SLC1A1: variants seen among roughly 807,000 people sequenced by gnomAD.
SLC1A1 encodes the protein excitatory amino acid transporter 3.
Under a neutral mutation model 53.3 loss-of-function variants are expected in SLC1A1, and 43 were observed. The observed-to-expected ratio is 0.81, with a 90% CI of 0.63 to 1.04. The LOEUF (loss-of-function observed/expected upper bound fraction) is 1.04. Among genes scored for constraint, SLC1A1 ranks in the 50% least tolerant of loss-of-function variants. SLC1A1 has a pLI of 0.00. For synonymous variants in SLC1A1, 307 were observed against 243.2 expected (o/e 1.26, Z -2.44); for missense variants, 748 against 664.9 (o/e 1.12, Z -1.37).
At chr9:4,576,799 T>C (rs770847366) in intron 10 of SLC1A1, 36 bp downstream of exon 10, 1 of 1,556,026 alleles carries the variant, frequency 6.4e-7, no homozygotes, top group South Asian at 1.1e-5. Context: ...TCATCACTGA[T>C]ACAGGGATTA....
intron 2 of SLC1A1, among the ~76,000 whole-genome samples, chr9:4,547,066 T>C (rs1205377956): frequency 6.6e-6 from 1 of 152,254 alleles, no homozygotes; most frequent in Non-Finnish European, 1.5e-5. Flanking sequence ...GAATGTCTAA[T>C]TCTGTAATAT....
chr9:4,520,717 T>G (rs1485227066), intron 1 of SLC1A1, among the ~76,000 whole-genome samples: 1 of 152,278 alleles, frequency 6.6e-6, no homozygotes, highest in Non-Finnish European at 1.5e-5. Context: ...ATAATGTTGT[T>G]GTGAACATTT....
intron 1 of SLC1A1, among the ~76,000 whole-genome samples, chr9:4,525,560 C>G (rs1332416511): frequency 6.6e-6 from 1 of 151,896 alleles, no homozygotes; most frequent in Non-Finnish European, 1.5e-5. Flanking sequence ...GATGATAGAA[C>G]AGTCTGAAAT....
At chr9:4,496,424 T>A (rs1378796338) in intron 1 of SLC1A1, among the ~76,000 whole-genome samples, 1 of 152,068 alleles carries the variant, frequency 6.6e-6, no homozygotes, top group Admixed American at 6.5e-5. Flanking sequence ...CTCGTTTTGT[T>A]GCCCAGGCTG....
intron 1 of SLC1A1, among the ~76,000 whole-genome samples, chr9:4,511,598 CACT>C (rs146709928): frequency 6.7e-6 from 1 of 149,026 alleles, no homozygotes; most frequent in Admixed American, 6.7e-5. Flanking sequence ...CACACACACA[CACT>C]ACACTACACT....
intron 2 of SLC1A1, among the ~76,000 whole-genome samples, chr9:4,557,175 T>C (rs1265549339): frequency 6.6e-6 from 1 of 152,182 alleles, no homozygotes; most frequent in Non-Finnish European, 1.5e-5. Context: ...TGTGGAAAGC[T>C]TCAAGTACAA....
chr9:4,572,694 T>C (rs1256620097), intron 7 of SLC1A1, among the ~76,000 whole-genome samples: 1 of 152,178 alleles, frequency 6.6e-6, no homozygotes, highest in African/African-American at 2.4e-5. Flanking sequence ...ACTATAGGCA[T>C]GTACCACCAT....
At chr9:4,559,996 C>T (rs977954675) in intron 2 of SLC1A1, 6 of 152,204 alleles carry the variant, frequency 3.9e-5, no homozygotes, top group Non-Finnish European at 5.9e-5. Context: ...CTTGACACTC[C>T]AGACAGCCCT....
intron 1 of SLC1A1, among the ~76,000 whole-genome samples, chr9:4,506,663 G>T (rs1042061745): frequency 1.3e-5 from 2 of 152,156 alleles, no homozygotes; most frequent in African/African-American, 4.8e-5. Flanking sequence ...CAGTAACTGT[G>T]AAAGACTGGA....
chr9:4,512,385 G>A (rs1821027857), intron 1 of SLC1A1, among the ~76,000 whole-genome samples: 1 of 152,112 alleles, frequency 6.6e-6, no homozygotes, highest in Admixed American at 6.5e-5. Flanking sequence ...GCATGCGCCT[G>A]TAGTCCCAGC....
chr9:4,573,515 A>G (rs1258548941), intron 7 of SLC1A1, among the ~76,000 whole-genome samples: 2 of 152,162 alleles, frequency 1.3e-5, no homozygotes, highest in African/African-American at 4.8e-5. Context: ...GATACCTGGG[A>G]AACAGATGAC....
intron 1 of SLC1A1, among the ~76,000 whole-genome samples, chr9:4,491,334 G>T (rs900732636): frequency 6.6e-5 from 10 of 152,198 alleles, no homozygotes; most frequent in African/African-American, 2.4e-4. Flanking sequence ...GGCGAGCGCC[G>T]ACTGCCTGCA....
chr9:4,490,706 C>A lies in SLC1A1; in HGVS notation c.27C>A (p.Cys9Ter), dbSNP rs1352470901. MGKPARKG[C>*]EWKRFLKNNW... ...TGGGGAAACCGGCGAGGAAAGGATG[C>A]GAGTGGAAGCGCTTCCTGAAGAATA... Residue 9 changes from cysteine to a stop codon, truncating the protein, a stop_gained, in exon 1 of 12, where the codon TGC (cysteine) becomes TGA (stop). Transcript: ENST00000262352. LOFTEE classifies it high-confidence loss of function. The A allele has an allele frequency of 6.2e-7, 1 of 1,612,750 alleles. No homozygotes were observed. The highest frequency in any genetic ancestry group is 8.5e-7 in the Non-Finnish European group (1 of 1,179,040).
rs1820648290 is a variant in SLC1A1 at position 4,502,019 on chromosome 9, T to C, written c.91+11249T>C. On this transcript the variant is annotated intron_variant, in intron 1 of 11. Coordinates refer to ENST00000262352, the MANE Select transcript of SLC1A1 (RefSeq NM_004170.6). ...CTCTCCCCATTACTGGAAAATAAAC[T>C]GATACTGTTCAACTTCTGTGGGTAT... 5.9e-5 allele frequency among the ~76,000 whole-genome samples: 9 copies of C among 151,812 alleles called. No homozygotes were observed. The South Asian group carries it at 1.9e-3, about 31-fold the overall frequency.
intron 2 of SLC1A1, among the ~76,000 whole-genome samples, chr9:4,555,515 G>A (rs1818290920): frequency 6.6e-6 from 1 of 152,132 alleles, no homozygotes. Context: ...CTTTGGCTGG[G>A]AGCCAACACC....
intron 10 of SLC1A1, 62 bp downstream of exon 10, chr9:4,576,825 G>A: frequency 2.1e-6 from 3 of 1,436,432 alleles, no homozygotes; most frequent in South Asian, 1.1e-5. Flanking sequence ...AGTAAAAATT[G>A]TCCATGAAGG....
chr9:4,507,055 C>G (rs894930851), intron 1 of SLC1A1, among the ~76,000 whole-genome samples: 3 of 152,044 alleles, frequency 2.0e-5, no homozygotes, highest in African/African-American at 7.2e-5. Flanking sequence ...CATGGTGAAA[C>G]CCCCTCTCTA....
intron 1 of SLC1A1, among the ~76,000 whole-genome samples, chr9:4,533,482 G>A (rs1336610163): frequency 6.6e-6 from 1 of 152,084 alleles, no homozygotes; most frequent in African/African-American, 2.4e-5. Flanking sequence ...ATTACATAAT[G>A]GTAAAGGGAT....
rs2129909278 is a variant in SLC1A1, at chr9:4,586,347, G to C, written c.*789G>C. On this transcript the variant is annotated 3_prime_UTR_variant, in exon 12 of 12. Transcript: ENST00000262352. ...ATAACCACGATTCCAACCCAGGTCT[G>C]CTTTGGGGCTTATCAGAACTCCTTT... 6.6e-6 allele frequency: 1 copy of C among 152,220 alleles called. No individual in the cohort carries two copies. The highest frequency in any genetic ancestry group is 2.1e-4 in the South Asian group (1 of 4,828). The allele number at this position is 152,220 out of a possible 1,614,324, so 9.4% of individuals were successfully genotyped here.
Sources: allele counts gnomAD v4.1 joint callset (sites outside exome capture counted in the v4.1 genomes callset), GRCh38; gene constraint gnomAD v4.1.1; transcripts MANE v1.5; gene names NCBI Gene and HGNC (gene_info 2026-07-23, HGNC 2026-07-21).